DUSP10: variants seen among roughly 807,000 people sequenced by gnomAD.
DUSP10 encodes dual specificity phosphatase 10.
Under a neutral mutation model 30.8 loss-of-function variants are expected in DUSP10, and 14 were observed. The ratio of observed to expected loss-of-function variants is 0.46; its 90% confidence interval spans 0.30 to 0.71. The LOEUF is 0.71. Among genes scored for constraint, DUSP10 ranks in the 30% least tolerant of loss-of-function variants. The pLI is 0.08. For missense variants in DUSP10, 550 were observed against 619.4 expected, an observed-to-expected ratio of 0.89 and a Z score of 1.19; for synonymous variants, 254 against 250.4, an observed-to-expected ratio of 1.01 and a Z score of -0.14.
intron 3 of DUSP10, among the ~76,000 whole-genome samples, chr1:221,705,111 G>GTT (rs34627895): frequency 0.058 from 8,282 of 141,896 alleles, 309 homozygotes; most frequent in African/African-American, 0.1. Context: ...TATTTTGAGT[G>GTT]TTTTTTTTTT....
In DUSP10 at chr1:221,706,029, T is replaced by C; in HGVS notation, c.1183+66A>G. On this transcript the variant is annotated intron_variant, in intron 3 of 3. Transcript: ENST00000366899. The surrounding 1 kb of genome is among the most constrained non-coding windows in gnomAD (Gnocchi z 4.6). ...ACACAGGAATAAACCTTGAACTTGA[T>C]ATCAAAGCAAGAGCTGGAGGGAAAA... The C allele has an allele frequency of 6.4e-7, 1 of 1,552,690 alleles. No individual in the cohort carries two copies. The highest frequency in any genetic ancestry group is 8.7e-7 in the Non-Finnish European group (1 of 1,150,178).
chr1:221,713,741 T>C (rs1447236564), intron 2 of DUSP10, among the ~76,000 whole-genome samples: 1 of 152,190 alleles, frequency 6.6e-6, no homozygotes, highest in Admixed American at 6.5e-5. Flanking sequence ...TTTAGGTCCT[T>C]GGAGAGCAGG....
At chr1:221,710,156 C>G (rs187015727) in intron 2 of DUSP10, among the ~76,000 whole-genome samples, 114 of 152,232 alleles carry the variant, frequency 7.5e-4, no homozygotes, top group Admixed American at 2.4e-3. Flanking sequence ...TGATACACGA[C>G]CAGGTATTCG....
intron 3 of DUSP10, among the ~76,000 whole-genome samples, chr1:221,705,104 T>C (rs1442238432): frequency 2.1e-5 from 3 of 143,178 alleles, no homozygotes; most frequent in Non-Finnish European, 3.0e-5. Context: ...AAAATGATAT[T>C]TTGAGTGTTT....
In DUSP10 at chr1:221,732,789, G is replaced by A. The variant is rs963004932; in HGVS notation, c.811+6145C>T. On this transcript the variant is annotated intron_variant, in intron 2 of 3. Coordinates refer to ENST00000366899, the MANE Select transcript of DUSP10 (RefSeq NM_007207.6). ...GCTTTAAAAAAATCTTGATGTGCAG[G>A]CTGCACCCCAGACCAATTTAATCAG... 5.9e-5 allele frequency among the ~76,000 whole-genome samples: 9 copies of A among 152,292 alleles called. No individual in the cohort carries two copies. The East Asian group carries it at 1.7e-3, about 29-fold the overall frequency.
intron 2 of DUSP10, among the ~76,000 whole-genome samples, chr1:221,727,452 G>C (rs1355949243): frequency 6.6e-6 from 1 of 152,212 alleles, no homozygotes; most frequent in African/African-American, 2.4e-5. Flanking sequence ...TCCTGGATAA[G>C]TAATCAGTTT....
intron 2 of DUSP10, among the ~76,000 whole-genome samples, chr1:221,715,759 G>A (rs1230311448): frequency 1.3e-5 from 2 of 152,180 alleles, no homozygotes; most frequent in Non-Finnish European, 2.9e-5. Flanking sequence ...TTATTTTAAT[G>A]AGCAGATGAC....
intron 2 of DUSP10, among the ~76,000 whole-genome samples, chr1:221,732,788 G>A (rs1016381485): frequency 2.0e-5 from 3 of 152,176 alleles, no homozygotes; most frequent in Admixed American, 2.0e-4. Context: ...TTGATGTGCA[G>A]GCTGCACCCC....
intron 1 of DUSP10, among the ~76,000 whole-genome samples, chr1:221,740,140 T>C (rs1437031487): frequency 1.3e-5 from 2 of 152,202 alleles, no homozygotes; most frequent in African/African-American, 4.8e-5. Context: ...AGGCATCTAT[T>C]CTGAACCTCA....
intron 2 of DUSP10, among the ~76,000 whole-genome samples, chr1:221,724,850 C>T (rs1056437321): frequency 2.0e-5 from 3 of 152,168 alleles, no homozygotes; most frequent in African/African-American, 7.2e-5. Context: ...GGAAAAGAAA[C>T]ACTTCAACTT....
rs200053929 is a variant in DUSP10 at position 221,702,616 on chromosome 1, G to A, written c.1245C>T (p.Ser415=). Residue 415 remains serine (S), a synonymous_variant, in exon 4 of 4, where the codon TCC becomes TCT. Coordinates refer to ENST00000366899, the MANE Select transcript of DUSP10 (RefSeq NM_007207.6). The surrounding 1 kb of genome is among the most constrained non-coding windows in gnomAD (Gnocchi z 4.5). ...LIHCQAGVSR[S]ATIVIAYLMK... ...TCAAGTAAGCGATGACGATGGTGGC[G>A]GAGCGGGACACCCCAGCCTGGCAGT... 3.5e-5 allele frequency: 57 copies of A among 1,614,086 alleles called. No homozygotes were observed. The Admixed American group carries it at 5.0e-4, about 14-fold the overall frequency.
rs78552373 is a variant in DUSP10 at position 221,704,771 on chromosome 1, T to C, written c.1183+1324A>G. Among the ~76,000 whole-genome samples the C allele has an allele frequency of 2.1e-3, 318 of 152,292 alleles. 1 individual carries two copies. The highest frequency in any genetic ancestry group is 7.3e-3 in the African/African-American group (304 of 41,562). On this transcript the variant is annotated intron_variant, in intron 3 of 3. Transcript: ENST00000366899. ...AGTCACTTTACTTCTCTAAGTTCAGTGATCACCCTGAATTTCCTTTCAGAC... is the reference window on the plus strand; with the variant it reads ...AGTCACTTTACTTCTCTAAGTTCAGCGATCACCCTGAATTTCCTTTCAGAC...
intron 2 of DUSP10, among the ~76,000 whole-genome samples, chr1:221,713,285 C>T (rs753160490): frequency 3.3e-5 from 5 of 152,196 alleles, no homozygotes; most frequent in Non-Finnish European, 5.9e-5. Flanking sequence ...CTAGTCTACA[C>T]TCCATCACTG....
chr1:221,709,533 C>T (rs962883182), intron 2 of DUSP10, among the ~76,000 whole-genome samples: 8 of 152,056 alleles, frequency 5.3e-5, no homozygotes, highest in Non-Finnish European at 1.0e-4. Flanking sequence ...GGAAATTCTC[C>T]TTGAGGGGTC....
chr1:221,702,225 T>C lies in DUSP10; in HGVS notation c.*187A>G. On this transcript the variant is annotated 3_prime_UTR_variant, in exon 4 of 4. Transcript: ENST00000366899. The surrounding 1 kb of genome is among the most constrained non-coding windows in gnomAD (Gnocchi z 4.5). ...AATTTGTCAGTTTGTGGGAGGTGAA[T>C]CTCAATGGCATCAAAAGTTATAGTC... 3 of 635,068 alleles carry C rather than the reference T, an allele frequency of 4.7e-6. No homozygotes were observed. The highest frequency in any genetic ancestry group is 2.9e-5 in the East Asian group (1 of 35,060). 39.3% of individuals were successfully genotyped at this position (635,068 alleles called of 1,614,324 possible). A position where few individuals can be genotyped will look rare whatever the true frequency, so the allele number is the denominator to read the frequency against.
chr1:221,703,823 C>T (rs1282917151), intron 3 of DUSP10, among the ~76,000 whole-genome samples: 1 of 152,114 alleles, frequency 6.6e-6, no homozygotes, highest in Non-Finnish European at 1.5e-5. Flanking sequence ...GTAGTGATTT[C>T]ACCTAAACTA....
rs1661876599 is a variant in DUSP10, at chr1:221,739,251, C to T, written c.494G>A (p.Ser165Asn). The T allele has an allele frequency of 6.2e-7, 1 of 1,614,188 alleles. No homozygotes were observed. Among genetic ancestry groups the T allele is most frequent in the Non-Finnish European group, 8.5e-7 (1 of 1,180,036 alleles). The change falls in exon 2 of 4, where the codon AGT becomes AAT. Residue 165 changes from serine to asparagine, a missense_variant. Coordinates refer to ENST00000366899, the MANE Select transcript of DUSP10 (RefSeq NM_007207.6). ...LAKKMTKCSK[S>N]HLPSQGPVII... ...GACAGGGCCCTGACTCGGCAGGTGA[C>T]TCTTGCTGCATTTGGTCATCTTCTT...
At chr1:221,723,969 C>T (rs1052324608) in intron 2 of DUSP10, among the ~76,000 whole-genome samples, 1 of 152,240 alleles carries the variant, frequency 6.6e-6, no homozygotes, top group African/African-American at 2.4e-5. Context: ...GGATGTCTTT[C>T]TGATGATAAA....
At chr1:221,711,013 T>C (rs1034036490) in intron 2 of DUSP10, among the ~76,000 whole-genome samples, 2 of 152,172 alleles carry the variant, frequency 1.3e-5, no homozygotes, top group Non-Finnish European at 2.9e-5. Context: ...AAAATGAGTA[T>C]GGTCAGTACA....
Sources: allele counts gnomAD v4.1 joint callset (sites outside exome capture counted in the v4.1 genomes callset), GRCh38; gene constraint gnomAD v4.1.1; non-coding constraint Gnocchi (gnomAD v3.1); transcripts MANE v1.5; gene names NCBI Gene and HGNC (gene_info 2026-07-23, HGNC 2026-07-21).